Variants in GDNF observed in about 807,000 individuals in gnomAD.
GDNF encodes glial cell derived neurotrophic factor, also known as glial cell line-derived neurotrophic factor.
In GDNF, 5 loss-of-function variants were observed where a neutral mutation model predicts 13.7. The ratio of observed to expected loss-of-function variants is 0.36; its 90% CI spans 0.19 to 0.77. The LOEUF is 0.77. Ranked by LOEUF, GDNF falls within the 30% of genes least tolerant of loss-of-function variation. GDNF has a pLI of 0.51. For missense variants in GDNF, 246 were observed against 274.3 expected, an observed-to-expected ratio of 0.90 and a Z score of 0.73; for synonymous variants, 122 against 112.5, an observed-to-expected ratio of 1.08 and a Z score of -0.53.
intron 1 of GDNF, chr5:37,835,683 G>A: frequency 1.3e-6 from 2 of 1,548,004 alleles, no homozygotes; most frequent in East Asian, 2.4e-5. Context: ...TTAATCCTCC[G>A]TGGTATACCC....
At chr5:37,834,538 A>C in intron 2 of GDNF, 108 bp downstream of exon 2, 2 of 1,037,478 alleles carry the variant, frequency 1.9e-6, no homozygotes, top group South Asian at 1.8e-5. Context: ...ACGGGTCGGT[A>C]GGCCACACAG....
chr5:37,814,368 G>C lies in GDNF; in HGVS notation c.*1283C>G, dbSNP rs1286820244. ...TGGAGCAAGGAAGAAATAAAGTCAA[G>C]TGCCAGTGGTCTCTGCACGCTGCTC... is the stretch of plus-strand genomic sequence containing the variant. On this transcript the variant is annotated 3_prime_UTR_variant, in exon 3 of 3. Transcript: ENST00000326524. The C allele has an allele frequency of 6.6e-6, 1 of 152,366 alleles. No homozygotes were observed. Among genetic ancestry groups the C allele is most frequent in the Non-Finnish European group, 1.5e-5 (1 of 68,036 alleles). 9.4% of individuals were successfully genotyped at this position (152,366 alleles called of 1,614,324 possible).
Position 37,814,875 on chromosome 5 carries a change from TC to T in GDNF, c.*775del, listed in dbSNP as rs1164402693. 1 of 152,368 alleles carries T rather than the reference TC, an allele frequency of 6.6e-6. No individual in the cohort carries two copies. The highest frequency in any genetic ancestry group is 1.5e-5 in the Non-Finnish European group (1 of 68,170). The allele number at this position is 152,368 out of a possible 1,614,324, so 9.4% of individuals were successfully genotyped here. A position where few individuals can be genotyped will look rare whatever the true frequency, so the allele number is the denominator to read the frequency against. On this transcript the variant is annotated 3_prime_UTR_variant, in exon 3 of 3. Transcript: ENST00000326524. ...CAGTTCGGGGCCTTCCCCGATTCTC[TC>T]CTACAAGAATGCTGGCGAAAACCAC...
intron 2 of GDNF, among the ~76,000 whole-genome samples, chr5:37,830,454 C>T (rs1750483553): frequency 6.6e-6 from 1 of 152,148 alleles, no homozygotes; most frequent in East Asian, 1.9e-4. Flanking sequence ...GACCCAGGGG[C>T]AGAATCCCAG....
In GDNF at chr5:37,838,749, G is replaced by C. The variant is rs1162343088; in HGVS notation, c.-27+758C>G. Reference sequence around the variant, plus strand: ...GGTGGTGTAAAGTAGTGGCAGTGGTGGTGGGGTGTTTTTGGAAGGCGGCAC... The same window carrying C: ...GGTGGTGTAAAGTAGTGGCAGTGGTCGTGGGGTGTTTTTGGAAGGCGGCAC... On this transcript the variant is annotated intron_variant, in intron 1 of 2. Coordinates refer to ENST00000326524, the MANE Select transcript of GDNF (RefSeq NM_000514.4). This position sits in a 1 kb window ranked among gnomAD's most constrained non-coding sequence, Gnocchi z 4.1. 6.6e-6 allele frequency among the ~76,000 whole-genome samples: 1 copy of C among 152,212 alleles called. No individual in the cohort carries two copies. The highest frequency in any genetic ancestry group is 2.4e-5 in the African/African-American group (1 of 41,450).
chr5:37,834,587 G>A (rs1052966437), intron 2 of GDNF, 59 bp downstream of exon 2: 5 of 1,352,218 alleles, frequency 3.7e-6, no homozygotes, highest in Non-Finnish European at 4.9e-6. Context: ...GGCTGGCTGC[G>A]GGTGGGGGTG....
chr5:37,823,586 G>C (rs1395477252), intron 2 of GDNF, among the ~76,000 whole-genome samples: 2 of 152,146 alleles, frequency 1.3e-5, no homozygotes, highest in African/African-American at 2.4e-5. Flanking sequence ...AACCGGAAAA[G>C]CCGCAGCCAG....
chr5:37,838,908 T>C lies in GDNF; in HGVS notation c.-27+599A>G, dbSNP rs1750801520. On this transcript the variant is annotated intron_variant, in intron 1 of 2. Coordinates refer to ENST00000326524, the MANE Select transcript of GDNF (RefSeq NM_000514.4). This position sits in a 1 kb window ranked among gnomAD's most constrained non-coding sequence, Gnocchi z 4.1. ...CCTCTCCTAACCTCGACGGGGATGG[T>C]TAGTTGGGGTGGAGGGCGTTAGGAA... Among the ~76,000 whole-genome samples the C allele has an allele frequency of 6.6e-6, 1 of 151,870 alleles. No individual in the cohort carries two copies. Among genetic ancestry groups the C allele is most frequent in the Non-Finnish European group, 1.5e-5 (1 of 67,966 alleles).
chr5:37,835,653 C>A, intron 1 of GDNF: 1 of 1,550,576 alleles, frequency 6.4e-7, no homozygotes, highest in Middle Eastern at 1.7e-4. Context: ...TAGGCAAAGA[C>A]TGCATTTGTC....
At chr5:37,827,000 A>G (rs1401665633) in intron 2 of GDNF, among the ~76,000 whole-genome samples, 1 of 152,206 alleles carries the variant, frequency 6.6e-6, no homozygotes, top group African/African-American at 2.4e-5. Flanking sequence ...CATGAATATG[A>G]TATTCCAAGG....
intron 2 of GDNF, among the ~76,000 whole-genome samples, chr5:37,827,676 G>GT (rs553769527): frequency 1.1e-3 from 175 of 152,298 alleles, no homozygotes; most frequent in African/African-American, 4.0e-3. Flanking sequence ...TTGTCATGGG[G>GT]TGTATATTAA....
chr5:37,816,100 C>T lies in GDNF; in HGVS notation c.187G>A (p.Asp63Asn). The T allele has an allele frequency of 4.3e-6, 7 of 1,613,360 alleles. No individual in the cohort carries two copies. Among genetic ancestry groups the T allele is most frequent in the Non-Finnish European group, 5.9e-6 (7 of 1,179,298 alleles). Reference protein sequence around the residue: ...MPEDYPDQFDDVMDFIQATIK... With the variant: ...MPEDYPDQFDNVMDFIQATIK... ...GTGGCTTGAATAAAATCCATGACAT[C>T]ATCGAACTGATCAGGATAATCCTCT... Residue 63 changes from aspartate to asparagine, a missense_variant, in exon 3 of 3, where the codon GAT becomes AAT. Transcript: ENST00000326524.
chr5:37,834,599 G>A (rs1471608183), intron 2 of GDNF, 47 bp downstream of exon 2: 3 of 1,409,202 alleles, frequency 2.1e-6, no homozygotes, highest in Non-Finnish European at 2.8e-6. Context: ...GTGGGGGTGC[G>A]AGGGGGTCCG....
intron 2 of GDNF, among the ~76,000 whole-genome samples, chr5:37,820,338 A>G (rs1411921156): frequency 6.6e-6 from 1 of 152,232 alleles, no homozygotes; most frequent in African/African-American, 2.4e-5. Context: ...TAAGGATTTG[A>G]ATCAGCACTT....
intron 2 of GDNF, among the ~76,000 whole-genome samples, chr5:37,833,070 G>C (rs1457997650): frequency 1.3e-5 from 2 of 152,220 alleles, no homozygotes; most frequent in African/African-American, 2.4e-5. Flanking sequence ...CCAGGAGCCT[G>C]AGCCAGAATT....
At chr5:37,819,444 CTTT>C (rs529362873) in intron 2 of GDNF, among the ~76,000 whole-genome samples, 6 of 126,194 alleles carry the variant, frequency 4.8e-5, no homozygotes, top group Admixed American at 1.7e-4. Flanking sequence ...GTGCTCTTTT[CTTT>C]TTTTTTTTTT....
At position 37,834,668 on chromosome 5, in the gene GDNF, C is replaced by A. The variant is rs975689294; in HGVS notation, c.129G>T (p.Ala43=). ...AEDRSLGRRR[A]PFALSSDSNM... is the part of the protein sequence containing the mutation. ...TACAGTCACTGCTCAGCGCGAAGGG[C>A]GCGCGGCGGCGGCCGAGGGAGCGGT... Residue 43 remains alanine (A), a synonymous_variant, in exon 2 of 3, where the codon GCG becomes GCT. Transcript: ENST00000326524. 3 of 1,603,200 alleles carry A rather than the reference C, an allele frequency of 1.9e-6. No individual in the cohort carries two copies. The highest frequency in any genetic ancestry group is 1.1e-5 in the South Asian group (1 of 90,118).
At chr5:37,826,679 A>G (rs1047901117) in intron 2 of GDNF, among the ~76,000 whole-genome samples, 2 of 152,212 alleles carry the variant, frequency 1.3e-5, no homozygotes, top group African/African-American at 4.8e-5. Flanking sequence ...GCACAGGAAG[A>G]CTTTCTGCAG....
At chr5:37,835,936 T>G (rs923316399) in intron 1 of GDNF, 1 of 497,290 alleles carries the variant, frequency 2.0e-6, no homozygotes, top group Non-Finnish European at 3.6e-6. Flanking sequence ...CTCACACCCC[T>G]ACAAAGGAGG....
Sources: allele counts gnomAD v4.1 joint callset (sites outside exome capture counted in the v4.1 genomes callset), GRCh38; gene constraint gnomAD v4.1.1; non-coding constraint Gnocchi (gnomAD v3.1); transcripts MANE v1.5; gene names NCBI Gene and HGNC (gene_info 2026-07-23, HGNC 2026-07-21).